The following COL4A5 variants were observed in gnomAD, a reference collection of about 807,000 sequenced individuals.
COL4A5 encodes the protein collagen type IV alpha 5 chain, also known as collagen alpha-5(IV) chain.
Under a neutral mutation model 130.2 loss-of-function variants are expected in COL4A5, and 26 were observed. The ratio of observed to expected loss-of-function variants is 0.20; its 90% CI spans 0.15 to 0.28. COL4A5 has a LOEUF of 0.28. Ranked by LOEUF, COL4A5 falls within the 10% of genes least tolerant of loss-of-function variation. The probability of loss-of-function intolerance (pLI) is 1.00; values close to 1 mark genes in which losing one functional copy is unlikely to be tolerated. For missense variants in COL4A5, 1,131 were observed against 1,344.3 expected (o/e 0.84, Z 2.48); for synonymous variants, 496 against 439.6 (o/e 1.13, Z -1.60).
intron 1 of COL4A5, among the ~76,000 whole-genome samples, chrX:108,512,366 A>C (rs756904904): frequency 2.7e-5 from 3 of 111,490 alleles, no homozygotes; most frequent in Non-Finnish European, 5.6e-5. Context: ...GGAATTATCC[A>C]CCTGATTTAG....
intron 1 of COL4A5, 38 bp downstream of exon 1, chrX:108,440,244 T>C (rs948833038): frequency 9.3e-5 from 89 of 952,584 alleles, no homozygotes; most frequent in Non-Finnish European, 1.3e-4. Flanking sequence ...CCATCACCGC[T>C]CTTTCACGCT....
At chrX:108,450,840 TTTTTTA>T (rs1476721557) in intron 1 of COL4A5, among the ~76,000 whole-genome samples, 11 of 110,641 alleles carry the variant, frequency 9.9e-5, no homozygotes, top group Non-Finnish European at 1.7e-4. Flanking sequence ...TTTATTTTTA[TTTTTTA>T]TTTTTATTTT....
intron 36 of COL4A5, among the ~76,000 whole-genome samples, chrX:108,644,101 A>C (rs1313917839): frequency 1.8e-5 from 2 of 112,268 alleles, no homozygotes; most frequent in Non-Finnish European, 3.8e-5. Context: ...CTATCAGACA[A>C]AATAAACTTT....
rs1236621056 is a variant in COL4A5, at chrX:108,686,011, G to A, written c.4217-20G>A. ...GAAAATATTCTACTCATATTTGAAT[G>A]CCTCATTCTTTTCCTGTAGGTCCAA... is the stretch of plus-strand genomic sequence containing the variant. On this transcript the variant is annotated intron_variant, in intron 47 of 52. Transcript: ENST00000328300. The A allele has an allele frequency of 8.6e-7, 1 of 1,156,892 alleles. No homozygotes were observed. The highest frequency in any genetic ancestry group is 1.2e-6 in the Non-Finnish European group (1 of 846,071).
intron 47 of COL4A5, among the ~76,000 whole-genome samples, 198 bp from the exon 48 acceptor site, chrX:108,685,833 A>G (rs2068532116): frequency 8.9e-6 from 1 of 112,294 alleles, no homozygotes; most frequent in South Asian, 3.7e-4. Context: ...GCATCCCAGA[A>G]GCAAATGGAT....
chrX:108,600,273 C>G (rs1050836239), intron 25 of COL4A5, among the ~76,000 whole-genome samples: 2 of 111,709 alleles, frequency 1.8e-5, no homozygotes, highest in Admixed American at 9.5e-5. Context: ...GAAATCTTTA[C>G]CTACTGTGGC....
At chrX:108,481,407 C>A (rs908872384) in intron 1 of COL4A5, among the ~76,000 whole-genome samples, 2 of 111,649 alleles carry the variant, frequency 1.8e-5, no homozygotes, top group Non-Finnish European at 3.8e-5. Context: ...GGTTCTGAGT[C>A]TGTAAACTGG....
intron 18 of COL4A5, among the ~76,000 whole-genome samples, chrX:108,585,505 C>T (rs1176929339): frequency 1.8e-5 from 2 of 111,052 alleles, no homozygotes; most frequent in African/African-American, 6.5e-5. Context: ...TATTTAGCAG[C>T]CTAGTTTCCC....
At chrX:108,484,553 C>T (rs761420920) in intron 1 of COL4A5, among the ~76,000 whole-genome samples, 8 of 112,587 alleles carry the variant, frequency 7.1e-5, no homozygotes, top group Non-Finnish European at 1.5e-4. Flanking sequence ...CTTGCAGACT[C>T]GCAGAGGTAC....
At chrX:108,440,434 C>T (rs2064381448) in intron 1 of COL4A5, 4 of 399,678 alleles carry the variant, frequency 1.0e-5, no homozygotes, top group African/African-American at 2.6e-5. Flanking sequence ...TGCTTCCCTG[C>T]AGCTAGCTCC....
chrX:108,490,828 T>C (rs1432443008), intron 1 of COL4A5, among the ~76,000 whole-genome samples: 2 of 110,909 alleles, frequency 1.8e-5, no homozygotes, highest in Admixed American at 9.6e-5. Flanking sequence ...TAGACCCCAG[T>C]GTCTGTTGAT....
At position 108,582,899 on chromosome X, in the gene COL4A5, C is replaced by T; in HGVS notation, c.952C>T (p.Pro318Ser). 1 of 1,205,468 alleles carries T rather than the reference C, an allele frequency of 8.3e-7. No individual in the cohort carries two copies. Among genetic ancestry groups the T allele is most frequent in the South Asian group, 1.8e-5 (1 of 56,822 alleles). ...QPGIPGLPGD[P>S]GYPGEPGRDG... ...TGTTTTAAAGGGTTTGCCTGGTGATCCTGGTTACCCTGGTGAACCCGGAAG... is the reference window on the plus strand; with the variant it reads ...TGTTTTAAAGGGTTTGCCTGGTGATTCTGGTTACCCTGGTGAACCCGGAAG... The change falls in exon 17 of 53, where the codon CCT (proline) becomes TCT (serine). Residue 318 changes from proline (P) to serine (S), a missense_variant. Transcript: ENST00000328300.
At chrX:108,511,415 C>T (rs1402284423) in intron 1 of COL4A5, among the ~76,000 whole-genome samples, 1 of 111,814 alleles carries the variant, frequency 8.9e-6, no homozygotes, top group Non-Finnish European at 1.9e-5. Flanking sequence ...TCAGTGCAGT[C>T]TTCCTTAAAG....
chrX:108,574,402 A>G (rs774982250), intron 9 of COL4A5, among the ~76,000 whole-genome samples: 1 of 111,663 alleles, frequency 9.0e-6, no homozygotes, highest in African/African-American at 3.2e-5. Flanking sequence ...ACAACAGAAT[A>G]CATGCAAAAT....
chrX:108,489,529 C>T (rs775674786), intron 1 of COL4A5, among the ~76,000 whole-genome samples: 50 of 111,960 alleles, frequency 4.5e-4, no homozygotes, highest in Middle Eastern at 4.6e-3. Flanking sequence ...TTTTAAAAAA[C>T]GTTTTTCCAC....
At chrX:108,613,787 T>G (rs1283307950) in intron 29 of COL4A5, among the ~76,000 whole-genome samples, 5 of 111,808 alleles carry the variant, frequency 4.5e-5, no homozygotes, top group Non-Finnish European at 5.7e-5. Flanking sequence ...TAACTGACAA[T>G]AAGTGCTGCT....
chrX:108,601,720 G>A (rs1353055684), intron 26 of COL4A5, among the ~76,000 whole-genome samples, 165 bp from the exon 27 acceptor site: 1 of 110,422 alleles, frequency 9.1e-6, no homozygotes, highest in Non-Finnish European at 1.9e-5. Flanking sequence ...TAGTAGAGAC[G>A]GAGTTTCTCC....
intron 19 of COL4A5, among the ~76,000 whole-genome samples, chrX:108,590,204 G>C (rs1489914176): frequency 9.0e-6 from 1 of 111,173 alleles, no homozygotes; most frequent in Non-Finnish European, 1.9e-5. Context: ...AAAATCCATT[G>C]ACAAATTCCC....
At position 108,582,016 on chromosome X, in the gene COL4A5, G is replaced by A. The variant is rs28662471; in HGVS notation, c.937-868G>A. On this transcript the variant is annotated intron_variant, in intron 16 of 52. Transcript: ENST00000328300. ...AGCAGCTTCAGTATCAAGAGTATCCGCAGTAGGCAAGAGTTTTTCAAAGAC... is the reference window on the plus strand; with the variant it reads ...AGCAGCTTCAGTATCAAGAGTATCCACAGTAGGCAAGAGTTTTTCAAAGAC... Among the ~76,000 whole-genome samples the A allele has an allele frequency of 4.8e-3, 524 of 109,806 alleles. 4 individuals are homozygous for A. Among genetic ancestry groups the A allele is most frequent in the African/African-American group, 0.015 (436 of 29,981 alleles).
Sources: allele counts gnomAD v4.1 joint callset (sites outside exome capture counted in the v4.1 genomes callset), GRCh38; gene constraint gnomAD v4.1.1; transcripts MANE v1.5; gene names NCBI Gene and HGNC (gene_info 2026-07-23, HGNC 2026-07-21).